The following RUBCN variants were observed in gnomAD, a reference collection of about 807,000 sequenced individuals.
RUBCN encodes the protein rubicon autophagy regulator.
RUBCN carries 74 observed loss-of-function variants against 113.2 expected under a neutral mutation model. The ratio of observed to expected loss-of-function variants is 0.65; its 90% CI spans 0.54 to 0.79. RUBCN has a LOEUF of 0.79. Among genes scored for constraint, RUBCN ranks in the 30% least tolerant of loss-of-function variants. RUBCN has a pLI of 0.00. For missense variants in RUBCN, 1,109 were observed against 1,251.7 expected (o/e 0.89, Z 1.72); for synonymous variants, 480 against 490.0 (o/e 0.98, Z 0.27).
rs1185153188 is a variant in RUBCN, at chr3:197,701,161, G to T, written c.728-15C>A. 2 of 1,515,366 alleles carry T rather than the reference G, an allele frequency of 1.3e-6. No homozygotes were observed. The highest frequency in any genetic ancestry group is 4.3e-5 in the Admixed American group (2 of 46,700). 93.9% of individuals were successfully genotyped at this position (1,515,366 alleles called of 1,614,324 possible). On this transcript the variant is annotated splice_polypyrimidine_tract_variant and intron_variant, in intron 6 of 19. Transcript: ENST00000296343. ...AGATCTTCTCTCTAGAATATAAAAG[G>T]AAATGGTAAGGGGAGCAAGGGTGAG...
intron 5 of RUBCN, among the ~76,000 whole-genome samples, chr3:197,702,773 C>T (rs1374377196): frequency 6.6e-6 from 1 of 152,150 alleles, no homozygotes; most frequent in African/African-American, 2.4e-5. Flanking sequence ...AAGGCACTGA[C>T]TGGAGTATTA....
chr3:197,676,433 C>T (rs766611522), intron 18 of RUBCN: 1 of 683,474 alleles, frequency 1.5e-6, no homozygotes, highest in Non-Finnish European at 1.9e-6. Context: ...CCTGCCTCAG[C>T]CTCCCGAGTA....
intron 2 of RUBCN, among the ~76,000 whole-genome samples, chr3:197,705,830 C>T (rs572426458): frequency 2.6e-5 from 4 of 152,192 alleles, no homozygotes; most frequent in African/African-American, 9.6e-5. Context: ...CATGCTGAGG[C>T]GATTCTCATG....
chr3:197,704,261 C>A (rs1471448590), intron 4 of RUBCN, among the ~76,000 whole-genome samples: 1 of 152,086 alleles, frequency 6.6e-6, no homozygotes, highest in Non-Finnish European at 1.5e-5. Flanking sequence ...ATGGAGAAAC[C>A]CCATTTCTAC....
At chr3:197,712,384 G>A (rs767049585) in intron 2 of RUBCN, among the ~76,000 whole-genome samples, 1 of 152,128 alleles carries the variant, frequency 6.6e-6, no homozygotes, top group Non-Finnish European at 1.5e-5. Flanking sequence ...ATCCTCCTGA[G>A]AGCCCAGAGG....
rs535782543 is a variant in RUBCN, at chr3:197,707,700, C to T, written c.220-2525G>A. ...AAATCAAGCCGGGTACAGGGGCTCACGCCTGTAATCCCAACAATTTGGGAG... is the reference window on the plus strand; with the variant it reads ...AAATCAAGCCGGGTACAGGGGCTCATGCCTGTAATCCCAACAATTTGGGAG... On this transcript the variant is annotated intron_variant, in intron 2 of 19. Coordinates refer to ENST00000296343, the MANE Select transcript of RUBCN (RefSeq NM_014687.4). Among the ~76,000 whole-genome samples the T allele has an allele frequency of 6.6e-4, 101 of 152,262 alleles. 1 individual carries two copies. The highest frequency in any genetic ancestry group is 2.2e-3 in the African/African-American group (93 of 41,568).
chr3:197,739,204 G>A (rs1163575910), upstream of RUBCN, among the ~76,000 whole-genome samples: 1 of 151,690 alleles, frequency 6.6e-6, no homozygotes, highest in Non-Finnish European at 1.5e-5. Flanking sequence ...GCCTCCCAAA[G>A]TGCTGGGATT....
chr3:197,711,106 G>T (rs1392040955), intron 2 of RUBCN, among the ~76,000 whole-genome samples: 6 of 152,242 alleles, frequency 3.9e-5, no homozygotes, highest in Non-Finnish European at 8.8e-5. Context: ...TTACAGGCGT[G>T]AGCCACCACG....
intron 2 of RUBCN, among the ~76,000 whole-genome samples, chr3:197,706,256 G>C (rs1433628521): frequency 2.0e-5 from 3 of 152,090 alleles, no homozygotes; most frequent in Non-Finnish European, 4.4e-5. Context: ...GCTGGGACAG[G>C]CCTCAACATG....
chr3:197,705,708 A>C (rs1362457084), intron 2 of RUBCN, among the ~76,000 whole-genome samples: 1 of 151,688 alleles, frequency 6.6e-6, no homozygotes, highest in Non-Finnish European at 1.5e-5. Context: ...ATGACATACA[A>C]GGTATACAGT....
intron 1 of RUBCN, among the ~76,000 whole-genome samples, chr3:197,728,769 A>G (rs909433438): frequency 6.6e-6 from 1 of 152,190 alleles, no homozygotes; most frequent in Non-Finnish European, 1.5e-5. Context: ...TAACCATGCT[A>G]TGAAGGGAGA....
intron 1 of RUBCN, among the ~76,000 whole-genome samples, chr3:197,720,505 T>A (rs1256142707): frequency 6.6e-6 from 1 of 152,064 alleles, no homozygotes; most frequent in African/African-American, 2.4e-5. Flanking sequence ...CCTCCCAGGT[T>A]CAAGCGATTC....
In RUBCN at chr3:197,677,013, G is replaced by C. The variant is rs1222725421; in HGVS notation, c.2518C>G (p.Pro840Ala). ...TGGAGGTCCTCTGTCAGGTGGCCTGGGACTGTGTCAAAGGAATCCAGAAGC... is the reference window on the plus strand; with the variant it reads ...TGGAGGTCCTCTGTCAGGTGGCCTGCGACTGTGTCAAAGGAATCCAGAAGC... Reference protein sequence around the residue: ...KELLDSFDTVPGHLTEDLHLY... With the variant: ...KELLDSFDTVAGHLTEDLHLY... Residue 840 changes from proline to alanine, a missense_variant, in exon 18 of 20, where the codon CCA becomes GCA. Pro to Ala is a conservative substitution (Grantham distance 27). Transcript: ENST00000296343. The C allele has an allele frequency of 6.2e-7, 1 of 1,613,690 alleles. No homozygotes were observed. Among genetic ancestry groups the C allele is most frequent in the Non-Finnish European group, 8.5e-7 (1 of 1,180,016 alleles).
At chr3:197,685,047 G>A (rs1045802694) in intron 11 of RUBCN, among the ~76,000 whole-genome samples, 3 of 152,086 alleles carry the variant, frequency 2.0e-5, no homozygotes, top group Non-Finnish European at 4.4e-5. Context: ...TGACAAAGAT[G>A]GTCAACATGA....
At position 197,675,095 on chromosome 3, in the gene RUBCN, C is replaced by T. The variant is rs375514866; in HGVS notation, c.2842G>A (p.Glu948Lys). 80 of 1,613,354 alleles carry T rather than the reference C, an allele frequency of 5.0e-5. No homozygotes were observed. The highest frequency in any genetic ancestry group is 6.6e-5 in the Non-Finnish European group (78 of 1,180,002). Residue 948 changes from glutamate (E) to lysine (K), a missense_variant, in exon 20 of 20, where the codon GAG (glutamate) becomes AAG (lysine). Transcript: ENST00000296343. This position sits in a 1 kb window ranked among gnomAD's most constrained non-coding sequence, Gnocchi z 4.4. ...RREALARQSL[E>K]SYLSDYEEEP... ...TCCTCGTAGTCTGACAGGTAAGACT[C>T]CAGGCTCTGCCTGGCCAGTGCCTCC... is the stretch of plus-strand genomic sequence containing the variant.
intron 11 of RUBCN, among the ~76,000 whole-genome samples, chr3:197,686,911 T>G (rs1721918898): frequency 6.6e-6 from 1 of 152,192 alleles, no homozygotes; most frequent in African/African-American, 2.4e-5. Context: ...CCATTATTAC[T>G]GACTGAAAAA....
At chr3:197,696,002 A>G (rs771598672) in intron 8 of RUBCN, 21 bp from the exon 9 acceptor site, 2 of 1,606,294 alleles carry the variant, frequency 1.2e-6, no homozygotes, top group Non-Finnish European at 1.7e-6. Context: ...TGGAATGTGG[A>G]TGAAACAGCC....
chr3:197,693,346 A>G (rs1039663800), intron 11 of RUBCN, among the ~76,000 whole-genome samples: 3 of 152,126 alleles, frequency 2.0e-5, no homozygotes, highest in African/African-American at 7.2e-5. Context: ...TCTTTTGAAC[A>G]CTCTGAAACA....
chr3:197,675,061 G>A lies in RUBCN; in HGVS notation c.2876C>T (p.Ala959Val), dbSNP rs756632615. The A allele has an allele frequency of 5.6e-6, 9 of 1,613,096 alleles. No homozygotes were observed. The East Asian group carries it at 1.1e-4, about 20-fold the overall frequency. ...SYLSDYEEEP[A>V]EALALEAAVL... ...GGCGGCTTCCAGGGCCAGCGCTTCC[G>A]CGGGCTCCTCCTCGTAGTCTGACAG... Residue 959 changes from alanine to valine, a missense_variant, in exon 20 of 20, where the codon GCG becomes GTG. Physicochemically the swap from Ala to Val is moderately conservative, Grantham distance 64. Coordinates refer to ENST00000296343, the MANE Select transcript of RUBCN (RefSeq NM_014687.4). This position sits in a 1 kb window ranked among gnomAD's most constrained non-coding sequence, Gnocchi z 4.4.
Sources: gnomAD v4.1 joint callset for allele counts (sites outside exome capture counted in the v4.1 genomes callset) on GRCh38, gnomAD v4.1.1 for gene constraint, Gnocchi (gnomAD v3.1) non-coding constraint, MANE v1.5 for transcripts, NCBI Gene and HGNC (gene_info 2026-07-23, HGNC 2026-07-21) for gene names.